RAPGEF2: variants seen among roughly 807,000 people sequenced by gnomAD.
RAPGEF2 encodes the protein Rap guanine nucleotide exchange factor 2, also known as PDZ domain containing guanine nucleotide exchange factor (GEF) 1.
In RAPGEF2, 54 loss-of-function variants were observed where a neutral mutation model predicts 186.7. The observed-to-expected ratio is 0.29, with a 90% CI of 0.23 to 0.36. RAPGEF2 has a LOEUF of 0.36. Ranked by LOEUF, RAPGEF2 falls within the 10% of genes least tolerant of loss-of-function variation. The probability of loss-of-function intolerance (pLI) is 1.00; values close to 1 mark genes in which losing one functional copy is unlikely to be tolerated. For missense variants in RAPGEF2, 1,532 were observed against 2,045.0 expected (o/e 0.75, Z 4.84); for synonymous variants, 712 against 705.9 (o/e 1.01, Z -0.14).
Position 159,300,537 on chromosome 4 carries a change from G to A in RAPGEF2, c.544-3805G>A, listed in dbSNP as rs116165903. 8.0e-3 allele frequency among the ~76,000 whole-genome samples: 1,223 copies of A among 151,994 alleles called. 9 individuals carry two copies. The highest frequency in any genetic ancestry group is 0.012 in the Non-Finnish European group (788 of 67,940). On this transcript the variant is annotated intron_variant, in intron 7 of 29. Coordinates refer to ENST00000691494, the MANE Select transcript of RAPGEF2 (RefSeq NM_001394067.2). ...TAATGAATTGTTGGGAAATACATTGGTATTAAAAATACATAAAATGTGTTA... is the reference window on the plus strand; with the variant it reads ...TAATGAATTGTTGGGAAATACATTGATATTAAAAATACATAAAATGTGTTA...
intron 1 of RAPGEF2, among the ~76,000 whole-genome samples, chr4:159,176,805 G>T (rs1341239699): frequency 6.6e-6 from 1 of 152,132 alleles, no homozygotes; most frequent in Non-Finnish European, 1.5e-5. Context: ...TGTTTTAAAG[G>T]TAGAAAGTCT....
At chr4:159,338,970 C>G (rs1427142168) in intron 18 of RAPGEF2, 144 bp from the exon 19 acceptor site, 2 of 983,218 alleles carry the variant, frequency 2.0e-6, no homozygotes, top group East Asian at 2.4e-5. Context: ...TAGATTGATT[C>G]TTTGAGGAAG....
intron 7 of RAPGEF2, among the ~76,000 whole-genome samples, chr4:159,254,729 G>C (rs778337158): frequency 1.3e-5 from 2 of 151,206 alleles, no homozygotes; most frequent in African/African-American, 4.9e-5. Context: ...CCATCTCAGC[G>C]TCCCAAGTAG....
At chr4:159,199,678 T>A (rs979394600) in intron 3 of RAPGEF2, among the ~76,000 whole-genome samples, 3 of 152,210 alleles carry the variant, frequency 2.0e-5, no homozygotes, top group Admixed American at 6.5e-5. Flanking sequence ...GCTTTTTATA[T>A]CCTTTCTGAT....
At chr4:159,129,623 C>T (rs1579259684) in intron 1 of RAPGEF2, among the ~76,000 whole-genome samples, 1 of 152,194 alleles carries the variant, frequency 6.6e-6, no homozygotes, top group African/African-American at 2.4e-5. Flanking sequence ...TAACTGATTT[C>T]AAAGTCCCTA....
chr4:159,282,931 C>T (rs544313731), intron 7 of RAPGEF2, among the ~76,000 whole-genome samples: 2 of 152,272 alleles, frequency 1.3e-5, no homozygotes, highest in South Asian at 4.1e-4. Context: ...TATAACTGCA[C>T]ATACTGCTGT....
intron 26 of RAPGEF2, chr4:159,350,939 T>C (rs1408559440): frequency 5.9e-6 from 7 of 1,188,678 alleles, no homozygotes. Flanking sequence ...TTTCACTGAC[T>C]CAACAGGTAT....
In RAPGEF2 at chr4:159,350,232, A is replaced by G; in HGVS notation, c.3808A>G (p.Asn1270Asp). 1 of 1,601,316 alleles carries G rather than the reference A, an allele frequency of 6.2e-7. No individual in the cohort carries two copies. Among genetic ancestry groups the G allele is most frequent in the East Asian group, 2.2e-5 (1 of 44,510 alleles). ...GAAACAGGCTGAAGATACAATATCA[A>G]ATGCATCTTCGCAGCTTTCTTCTCC... ...HKKQAEDTIS[N>D]ASSQLSSPPT... Residue 1270 changes from asparagine (N) to aspartate (D), a missense_variant, in exon 26 of 30, where the codon AAT (asparagine) becomes GAT (aspartate). Coordinates refer to ENST00000691494, the MANE Select transcript of RAPGEF2 (RefSeq NM_001394067.2).
At position 159,216,341 on chromosome 4, in the gene RAPGEF2, A is replaced by G. The variant is rs1441431093; in HGVS notation, c.281+5758A>G. ...ATTGACATGGCAAAGACCATACAGA[A>G]TGCAAAATCATTTCAAAGATGGGTA... On this transcript the variant is annotated intron_variant, in intron 4 of 29. Transcript: ENST00000691494. Among the ~76,000 whole-genome samples the G allele has an allele frequency of 4.6e-5, 7 of 152,320 alleles. No individual in the cohort carries two copies. In the South Asian group the frequency reaches 1.2e-3, roughly 27 times the overall value.
chr4:159,267,098 G>A (rs1757523145), intron 7 of RAPGEF2: 2 of 1,146,030 alleles, frequency 1.7e-6, no homozygotes, highest in Non-Finnish European at 1.1e-6. Flanking sequence ...GAGGGAGGGT[G>A]AGAGAGAAAT....
intron 20 of RAPGEF2, among the ~76,000 whole-genome samples, 169 bp downstream of exon 20, chr4:159,342,116 C>T (rs1049229180): frequency 4.7e-5 from 7 of 150,352 alleles, no homozygotes; most frequent in Admixed American, 2.7e-4. Flanking sequence ...TAAAATCTCT[C>T]GTATCAAAAA....
intron 4 of RAPGEF2, among the ~76,000 whole-genome samples, chr4:159,222,577 GT>G (rs563445245): frequency 4.7e-4 from 71 of 152,284 alleles, no homozygotes; most frequent in Non-Finnish European, 9.4e-4. Context: ...TCTGGAAAAT[GT>G]TTCAGTTGGT....
chr4:159,244,059 G>T (rs916866055), intron 7 of RAPGEF2, among the ~76,000 whole-genome samples: 1 of 151,906 alleles, frequency 6.6e-6, no homozygotes, highest in African/African-American at 2.4e-5. Context: ...TTAAAAAAAT[G>T]AATGGAACAC....
Position 159,314,767 on chromosome 4 carries a change from T to C in RAPGEF2, c.852T>C (p.Ile284=), listed in dbSNP as rs570990190. 16 of 1,586,988 alleles carry C rather than the reference T, an allele frequency of 1.0e-5. No individual in the cohort carries two copies. The highest frequency in any genetic ancestry group is 1.3e-5 in the Non-Finnish European group (15 of 1,170,582). The part of the protein sequence containing the change: ...KDPIDRTDDD[I]EQLLEFMHQL... ...CAATTGACCGGACAGATGATGACATTGGTAAGCTTGAACAGGAAAATGAAT... is the reference window on the plus strand; with the variant it reads ...CAATTGACCGGACAGATGATGACATCGGTAAGCTTGAACAGGAAAATGAAT... The change falls in exon 9 of 30, where the codon ATT becomes ATC. Residue 284 remains isoleucine (I), a splice_region_variant and synonymous_variant. Transcript: ENST00000691494.
At chr4:159,243,228 G>C (rs185501601) in intron 6 of RAPGEF2, among the ~76,000 whole-genome samples, 2 of 151,624 alleles carry the variant, frequency 1.3e-5, no homozygotes, top group East Asian at 3.9e-4. Flanking sequence ...ATCATATACT[G>C]GTTTACTAAT....
chr4:159,302,770 T>C (rs1206566199), intron 7 of RAPGEF2, among the ~76,000 whole-genome samples: 1 of 151,752 alleles, frequency 6.6e-6, no homozygotes, highest in Non-Finnish European at 1.5e-5. Flanking sequence ...TATTTTTTTA[T>C]TTTTTTTACT....
intron 3 of RAPGEF2, among the ~76,000 whole-genome samples, chr4:159,197,518 A>G (rs1037482663): frequency 6.6e-6 from 1 of 152,214 alleles, no homozygotes; most frequent in African/African-American, 2.4e-5. Flanking sequence ...TTGGTTTCCA[A>G]AAGAGTTTTC....
chr4:159,254,138 G>A lies in RAPGEF2; in HGVS notation c.543+10347G>A, dbSNP rs188489485. Among the ~76,000 whole-genome samples, 24 of 152,268 alleles carry A rather than the reference G, an allele frequency of 1.6e-4. No homozygotes were observed. The East Asian group carries it at 4.2e-3, about 27-fold the overall frequency. The stretch of plus-strand genomic sequence containing the variant: ...AGATATAATGTAATTAATTATTACT[G>A]CTTTATCAAGGACACTTTAATACTG... On this transcript the variant is annotated intron_variant, in intron 7 of 29. Coordinates refer to ENST00000691494, the MANE Select transcript of RAPGEF2 (RefSeq NM_001394067.2).
intron 20 of RAPGEF2, among the ~76,000 whole-genome samples, 174 bp downstream of exon 20, chr4:159,342,121 C>CA (rs937625503): frequency 8.7e-5 from 13 of 149,970 alleles, no homozygotes; most frequent in Non-Finnish European, 1.9e-4. Context: ...TCTCTCGTAT[C>CA]AAAAAAACAG....
Sources: gnomAD v4.1 joint callset for allele counts (sites outside exome capture counted in the v4.1 genomes callset) on GRCh38, gnomAD v4.1.1 for gene constraint, MANE v1.5 for transcripts, NCBI Gene and HGNC (gene_info 2026-07-23, HGNC 2026-07-21) for gene names.